The following CECR2 variants were observed in gnomAD, a reference collection of about 807,000 sequenced individuals.
The protein encoded by CECR2 is chromatin remodeling regulator CECR2.
Under a neutral mutation model 154.5 loss-of-function variants are expected in CECR2, and 30 were observed. The observed-to-expected ratio is 0.19, with a 90% CI of 0.15 to 0.26. The LOEUF is 0.26. Ranked by LOEUF, CECR2 falls within the 10% of genes least tolerant of loss-of-function variation. The pLI is 1.00. For missense variants in CECR2, 1,743 were observed against 1,829.3 expected, an observed-to-expected ratio of 0.95 and a Z score of 0.86; for synonymous variants, 725 against 683.7, an observed-to-expected ratio of 1.06 and a Z score of -0.94.
chr22:17,419,469 G>A (rs527427658), intron 1 of CECR2: 2 of 213,860 alleles, frequency 9.4e-6, no homozygotes, highest in East Asian at 1.1e-4. Context: ...CACGCCTGAG[G>A]AAGACTCAGA....
intron 1 of CECR2, among the ~76,000 whole-genome samples, chr22:17,408,325 A>T (rs1052920744): frequency 2.0e-5 from 3 of 151,920 alleles, no homozygotes; most frequent in African/African-American, 7.3e-5. Flanking sequence ...AAGTCAGGAG[A>T]GTGGACTTCA....
intron 8 of CECR2, 89 bp from the exon 9 acceptor site, chr22:17,524,028 GT>G (rs2056206383): frequency 2.9e-5 from 31 of 1,058,222 alleles, no homozygotes; most frequent in Non-Finnish European, 4.0e-5. Context: ...AATATTATTT[GT>G]TGAAAATACT....
intron 1 of CECR2, among the ~76,000 whole-genome samples, chr22:17,451,156 G>A (rs5747163): frequency 0.3 from 45,312 of 152,172 alleles, 9,608 homozygotes; most frequent in African/African-American, 0.57. Context: ...ATTGATTTAA[G>A]TAGAGAGTTC....
intron 9 of CECR2, 87 bp downstream of exon 9, chr22:17,524,358 C>T (rs756781347): frequency 1.9e-5 from 27 of 1,419,694 alleles, no homozygotes; most frequent in Non-Finnish European, 2.3e-5. Flanking sequence ...CTAAGTCCTG[C>T]CATGCATCCA....
intron 1 of CECR2, among the ~76,000 whole-genome samples, chr22:17,380,651 A>G (rs1379807070): frequency 6.6e-6 from 1 of 152,172 alleles, no homozygotes; most frequent in African/African-American, 2.4e-5. Context: ...CTCCCCACCC[A>G]TCACCTCCAA....
intron 1 of CECR2, among the ~76,000 whole-genome samples, chr22:17,400,881 G>A (rs916295608): frequency 6.6e-6 from 1 of 152,126 alleles, no homozygotes; most frequent in African/African-American, 2.4e-5. Context: ...CTCCTTAGTA[G>A]CTGGGACTAC....
chr22:17,458,069 T>A (rs1485548730), intron 1 of CECR2, among the ~76,000 whole-genome samples: 2 of 152,204 alleles, frequency 1.3e-5, no homozygotes, highest in Admixed American at 1.3e-4. Context: ...GTGATAGCAC[T>A]GTTCTTCATC....
chr22:17,426,218 C>T (rs1345390247), intron 1 of CECR2, among the ~76,000 whole-genome samples: 1 of 152,094 alleles, frequency 6.6e-6, no homozygotes, highest in African/African-American at 2.4e-5. Context: ...TACATTATCA[C>T]ACAAAAAAAG....
At chr22:17,487,672 CA>C (rs1204426890) in intron 2 of CECR2, among the ~76,000 whole-genome samples, 2 of 151,938 alleles carry the variant, frequency 1.3e-5, no homozygotes, top group African/African-American at 4.8e-5. Context: ...CTGGGTGTCT[CA>C]AAAAAATTTT....
chr22:17,474,924 C>T (rs1354966723), intron 1 of CECR2, among the ~76,000 whole-genome samples: 1 of 152,152 alleles, frequency 6.6e-6, no homozygotes, highest in African/African-American at 2.4e-5. Flanking sequence ...TCTCAGCCTC[C>T]AGTGTTGCCT....
At chr22:17,424,656 A>C (rs1412635264) in intron 1 of CECR2, 1 of 163,384 alleles carries the variant, frequency 6.1e-6, no homozygotes, top group African/African-American at 2.4e-5. Context: ...TCAGAAATGG[A>C]AGGCGATGTC....
chr22:17,381,691 C>T (rs942172454), intron 1 of CECR2, among the ~76,000 whole-genome samples: 26 of 152,120 alleles, frequency 1.7e-4, no homozygotes, highest in South Asian at 4.2e-4. Flanking sequence ...ATTTGTCTGT[C>T]GAAAAGGGGC....
At chr22:17,392,959 G>A (rs1277080139) in intron 1 of CECR2, among the ~76,000 whole-genome samples, 1 of 152,162 alleles carries the variant, frequency 6.6e-6, no homozygotes, top group Admixed American at 6.5e-5. Context: ...AGAATGGCTT[G>A]AGCCCAGAAG....
intron 16 of CECR2, 42 bp from the exon 17 acceptor site, chr22:17,548,100 TTTCAGC>T (rs1357381971): frequency 6.9e-7 from 1 of 1,448,308 alleles, no homozygotes; most frequent in African/African-American, 1.4e-5. Flanking sequence ...AATACTGTCA[TTTCAGC>T]TACTGAGTTA....
At chr22:17,437,783 T>A (rs934496361) in intron 1 of CECR2, among the ~76,000 whole-genome samples, 2 of 152,196 alleles carry the variant, frequency 1.3e-5, no homozygotes, top group Non-Finnish European at 2.9e-5. Context: ...GCATCACTGC[T>A]TCTTAGCAGG....
At chr22:17,535,444 A>G (rs2056423824) in intron 9 of CECR2, among the ~76,000 whole-genome samples, 1 of 152,192 alleles carries the variant, frequency 6.6e-6, no homozygotes, top group Admixed American at 6.6e-5. Context: ...CATCTTAGAG[A>G]ATCCTTACAC....
At chr22:17,495,464 G>A (rs1006801399) in intron 2 of CECR2, among the ~76,000 whole-genome samples, 1 of 151,670 alleles carries the variant, frequency 6.6e-6, no homozygotes, top group Non-Finnish European at 1.5e-5. Flanking sequence ...AGCTACTCAG[G>A]AGACTGAGGC....
At chr22:17,550,656 G>A (rs1385103635) in intron 17 of CECR2, among the ~76,000 whole-genome samples, 1 of 152,132 alleles carries the variant, frequency 6.6e-6, no homozygotes, top group African/African-American at 2.4e-5. Flanking sequence ...TGAAAGTTAT[G>A]AAGCGGCCAG....
chr22:17,528,836 A>G (rs2056307188), intron 9 of CECR2, among the ~76,000 whole-genome samples: 1 of 152,142 alleles, frequency 6.6e-6, no homozygotes. Context: ...ACCCAGCCAG[A>G]AGTACTATTT....
Sources: allele counts gnomAD v4.1 joint callset (sites outside exome capture counted in the v4.1 genomes callset), GRCh38; gene constraint gnomAD v4.1.1; transcripts MANE v1.5; gene names NCBI Gene and HGNC (gene_info 2026-07-23, HGNC 2026-07-21).